Variants in ABL1 observed in about 807,000 individuals in gnomAD.
The protein encoded by ABL1 is tyrosine-protein kinase ABL1.
Under a neutral mutation model 94.7 loss-of-function variants are expected in ABL1, and 11 were observed. That is an observed-to-expected ratio of 0.12 (90% CI 0.07 to 0.19). The LOEUF is 0.19. ABL1 is among the 10% of genes least tolerant of loss of function. ABL1 has a pLI of 1.00. For missense variants in ABL1, 1,082 were observed against 1,489.4 expected, an observed-to-expected ratio of 0.73 and a Z score of 4.50; for synonymous variants, 656 against 622.4, an observed-to-expected ratio of 1.05 and a Z score of -0.80.
At position 130,852,071 on chromosome 9, in the gene ABL1, G is replaced by A. The variant is rs140781150; in HGVS notation, c.80-1993G>A. ...TGGGATTACAGGGGTGAGCCTCCACGCCGGGCCTCTCTTTTTAAGATAATA... is the reference window on the plus strand; with the variant it reads ...TGGGATTACAGGGGTGAGCCTCCACACCGGGCCTCTCTTTTTAAGATAATA... On this transcript the variant is annotated intron_variant, in intron 1 of 10. Transcript: ENST00000318560. 1.1e-4 allele frequency among the ~76,000 whole-genome samples: 17 copies of A among 152,088 alleles called. No homozygotes were observed. The East Asian group carries it at 2.7e-3, about 24-fold the overall frequency.
At chr9:130,746,600 G>A (rs1412602572) in intron 1 of ABL1, among the ~76,000 whole-genome samples, 1 of 151,350 alleles carries the variant, frequency 6.6e-6, no homozygotes, top group East Asian at 1.9e-4. Flanking sequence ...AATGTTGCAT[G>A]TGACAACAGT....
intron 4 of ABL1, among the ~76,000 whole-genome samples, chr9:130,866,323 A>G (rs1831155724): frequency 6.6e-6 from 1 of 152,184 alleles, no homozygotes; most frequent in African/African-American, 2.4e-5. Flanking sequence ...AAATATTTAC[A>G]TAAGCCACAG....
At position 130,885,641 on chromosome 9, in the gene ABL1, C is replaced by G; in HGVS notation, c.3351C>G (p.Leu1117=). 6.2e-7 allele frequency: 1 copy of G among 1,613,124 alleles called. No homozygotes were observed. The highest frequency in any genetic ancestry group is 8.5e-7 in the Non-Finnish European group (1 of 1,179,850). ...GPAATQDFSK[L]LSSVKEISDI... ...CGGCCACTCAGGACTTCAGCAAGCT[C>G]CTCAGTTCGGTGAAGGAAATCAGTG... is the stretch of plus-strand genomic sequence containing the variant. The change falls in exon 11 of 11, where the codon CTC becomes CTG. Residue 1117 remains leucine, a synonymous_variant. Transcript: ENST00000318560.
rs1451699141 is a variant in ABL1 at position 130,872,010 on chromosome 9, C to A, written c.823-119C>A. On this transcript the variant is annotated intron_variant, in intron 4 of 10. Transcript: ENST00000318560. The surrounding 1 kb of genome is among the most constrained non-coding windows in gnomAD (Gnocchi z 5.0). Reference sequence around the variant, plus strand: ...CCTGTCTGCAGCAATGTGGCTGTCACAAAACGCAGCCCAGGACGAGTATGC... The same window carrying A: ...CCTGTCTGCAGCAATGTGGCTGTCAAAAAACGCAGCCCAGGACGAGTATGC... 1 of 810,150 alleles carries A rather than the reference C, an allele frequency of 1.2e-6. No individual in the cohort carries two copies. The allele number at this position is 810,150 out of a possible 1,614,324, so 50.2% of individuals were successfully genotyped here. A position where few individuals can be genotyped will look rare whatever the true frequency, so the allele number is the denominator to read the frequency against.
At chr9:130,763,597 G>C (rs969225931) in intron 1 of ABL1, among the ~76,000 whole-genome samples, 1 of 152,150 alleles carries the variant, frequency 6.6e-6, no homozygotes, top group Non-Finnish European at 1.5e-5. Context: ...CTCCAAGATG[G>C]CTCACTCACA....
intron 1 of ABL1, among the ~76,000 whole-genome samples, chr9:130,849,467 G>A (rs1830823494): frequency 6.6e-6 from 1 of 152,134 alleles, no homozygotes; most frequent in South Asian, 2.1e-4. Context: ...CAAGGAATTT[G>A]CATTTCAGTG....
chr9:130,789,108 A>G (rs1829868604), intron 1 of ABL1, among the ~76,000 whole-genome samples: 1 of 152,244 alleles, frequency 6.6e-6, no homozygotes, highest in Admixed American at 6.5e-5. Flanking sequence ...AACATAAAAT[A>G]CAAACCTTGG....
At chr9:130,868,520 C>CTTTT (rs71389371) in intron 4 of ABL1, among the ~76,000 whole-genome samples, 10 of 112,098 alleles carry the variant, frequency 8.9e-5, no homozygotes, top group East Asian at 2.5e-4. Flanking sequence ...TTTTCTTTTT[C>CTTTT]TTTTTTTTTT....
chr9:130,734,625 A>G (rs1386563759), intron 1 of ABL1, among the ~76,000 whole-genome samples: 11 of 141,844 alleles, frequency 7.8e-5, no homozygotes. Flanking sequence ...AGGTTCAGGC[A>G]ATTCTCCTGC....
Position 130,722,130 on chromosome 9 carries a change from C to A in ABL1, c.136+7675C>A, listed in dbSNP as rs563175254. On this transcript the variant is annotated intron_variant, in intron 1 of 10. Coordinates refer to the ABL1 transcript ENST00000372348. ...TGGACAGGCTGGGCGTGGTGGCTCACGCCTGTAATCCCAGCACTTTGGGAG... is the reference window on the plus strand; with the variant it reads ...TGGACAGGCTGGGCGTGGTGGCTCAAGCCTGTAATCCCAGCACTTTGGGAG... Among the ~76,000 whole-genome samples the A allele has an allele frequency of 2.0e-5, 3 of 151,690 alleles. No homozygotes were observed. In the South Asian group the frequency reaches 6.2e-4, roughly 32 times the overall value.
At position 130,880,498 on chromosome 9, in the gene ABL1, A is replaced by G; in HGVS notation, c.1514-2A>G. ...TTGTTTCTGTCCCTGTATGATTCTT[A>G]GAAGTGGAAAAGGAGCTGGGGAAAC... On this transcript the variant is annotated splice_acceptor_variant, in intron 9 of 10. Transcript: ENST00000318560. LOFTEE classifies it high-confidence loss of function. This position sits in a 1 kb window ranked among gnomAD's most constrained non-coding sequence, Gnocchi z 4.4. 1 of 1,613,772 alleles carries G rather than the reference A, an allele frequency of 6.2e-7. No individual in the cohort carries two copies. Among genetic ancestry groups the G allele is most frequent in the Non-Finnish European group, 8.5e-7 (1 of 1,179,860 alleles).
intron 1 of ABL1, among the ~76,000 whole-genome samples, chr9:130,853,367 G>T (rs1158016217): frequency 2.7e-5 from 4 of 149,990 alleles, no homozygotes; most frequent in Non-Finnish European, 4.4e-5. Flanking sequence ...GTAAAGACAG[G>T]ATTTCACTGT....
chr9:130,861,597 TG>T (rs1831072628), intron 3 of ABL1, among the ~76,000 whole-genome samples: 1 of 152,206 alleles, frequency 6.6e-6, no homozygotes, highest in Non-Finnish European at 1.5e-5. Context: ...CAGTTATAGC[TG>T]AAGCCTGATC....
intron 4 of ABL1, among the ~76,000 whole-genome samples, chr9:130,865,768 A>AT (rs1564316452): frequency 2.0e-5 from 3 of 150,064 alleles, no homozygotes; most frequent in Non-Finnish European, 4.4e-5. Flanking sequence ...AAAAAAAAAA[A>AT]GCTGAAATCC....
chr9:130,727,407 A>G (rs1003718596), intron 1 of ABL1, among the ~76,000 whole-genome samples: 5 of 152,114 alleles, frequency 3.3e-5, no homozygotes, highest in African/African-American at 9.7e-5. Context: ...CTGAAGATCA[A>G]CAGCTATAAT....
In ABL1 at chr9:130,884,036, C is replaced by A; in HGVS notation, c.1746C>A (p.Gly582=). The part of the protein sequence containing the change: ...LPRKERGPPE[G]GLNEDERLLP... ...GAAAAGAGCGAGGTCCCCCGGAGGG[C>A]GGCCTGAATGAAGATGAGCGCCTTC... The change falls in exon 11 of 11, where the codon GGC becomes GGA. Residue 582 remains glycine, a synonymous_variant. Transcript: ENST00000318560. The surrounding 1 kb of genome is among the most constrained non-coding windows in gnomAD (Gnocchi z 5.6). 1 of 1,613,900 alleles carries A rather than the reference C, an allele frequency of 6.2e-7. No individual in the cohort carries two copies. The highest frequency in any genetic ancestry group is 8.5e-7 in the Non-Finnish European group (1 of 1,180,030).
intron 1 of ABL1, among the ~76,000 whole-genome samples, chr9:130,743,351 G>T (rs1449124975): frequency 2.0e-5 from 3 of 152,210 alleles, no homozygotes; most frequent in African/African-American, 7.2e-5. Context: ...GGGATTACAG[G>T]TGTGAGCCAC....
intron 1 of ABL1, among the ~76,000 whole-genome samples, chr9:130,751,664 C>T (rs1831969083): frequency 1.3e-5 from 2 of 152,144 alleles, no homozygotes; most frequent in South Asian, 4.1e-4. Flanking sequence ...GCTCCTGGCT[C>T]CAGAGCCAGG....
rs542975887 is a variant in ABL1, at chr9:130,835,783, C to A, written c.79+258C>A. Among the ~76,000 whole-genome samples the A allele has an allele frequency of 6.7e-5, 10 of 149,906 alleles. No individual in the cohort carries two copies. Among genetic ancestry groups the A allele is most frequent in the Admixed American group, 1.3e-4 (2 of 15,048 alleles). On this transcript the variant is annotated intron_variant, in intron 1 of 10. Transcript: ENST00000318560. This position sits in a 1 kb window ranked among gnomAD's most constrained non-coding sequence, Gnocchi z 4.6. ...TCTCTCTGTCTCTTTCTCTTTCTCGCGATGGCCCCTAGGCGCCGCCGGCGG... is the reference window on the plus strand; with the variant it reads ...TCTCTCTGTCTCTTTCTCTTTCTCGAGATGGCCCCTAGGCGCCGCCGGCGG...
Sources: allele counts gnomAD v4.1 joint callset (sites outside exome capture counted in the v4.1 genomes callset), GRCh38; gene constraint gnomAD v4.1.1; non-coding constraint Gnocchi (gnomAD v3.1); transcripts MANE v1.5; gene names NCBI Gene and HGNC (gene_info 2026-07-23, HGNC 2026-07-21).